The following SLC2A9 variants were observed in gnomAD, a reference collection of about 807,000 sequenced individuals.
The protein encoded by SLC2A9 is solute carrier family 2 member 9.
A neutral mutation model predicts 50.6 loss-of-function variants in SLC2A9; 39 were observed. That is an observed-to-expected ratio of 0.77 (90% CI 0.60 to 1.01). The LOEUF (loss-of-function observed/expected upper bound fraction) is 1.01, where lower values mean the gene tolerates loss of function less well. SLC2A9 is among the 50% of genes least tolerant of loss of function. The pLI is 0.00. For missense variants in SLC2A9, 686 were observed against 677.6 expected (o/e 1.01, Z -0.14); for synonymous variants, 324 against 276.9 (o/e 1.17, Z -1.69).
At chr4:9,780,530 C>A (rs549415863) in intron 3 of SLC2A9, among the ~76,000 whole-genome samples, 17 of 151,968 alleles carry the variant, frequency 1.1e-4, no homozygotes, top group African/African-American at 4.1e-4. Flanking sequence ...GGTACAGGTG[C>A]GTTTGGTGGA....
In SLC2A9 at chr4:9,996,819, C is replaced by T. The variant is rs1458543799; in HGVS notation, c.372G>A (p.Gly124=). The change falls in exon 3 of 12, where the codon GGG becomes GGA. Residue 124 remains glycine, a synonymous_variant. Transcript: ENST00000264784. ...VSIFAIGGLV[G]TLIVKMIGKV... is the part of the protein sequence containing the mutation. ...TTCCAATCATCTTCACAATTAACGTCCCCACAAGTCCACCGATGGCGAATA... is the reference window on the plus strand; with the variant it reads ...TTCCAATCATCTTCACAATTAACGTTCCCACAAGTCCACCGATGGCGAATA... 1.2e-6 allele frequency: 2 copies of T among 1,614,068 alleles called. No homozygotes were observed. The highest frequency in any genetic ancestry group is 1.7e-5 in the Admixed American group (1 of 60,028).
At chr4:10,019,422 A>T (rs1763222778) in intron 1 of SLC2A9, 1 of 380,884 alleles carries the variant, frequency 2.6e-6, no homozygotes, top group African/African-American at 2.0e-5. Context: ...GAAAAAAGCA[A>T]AGCCAGACTC....
intron 6 of SLC2A9, among the ~76,000 whole-genome samples, chr4:9,935,207 G>T (rs1399990055): frequency 2.0e-5 from 3 of 152,142 alleles, no homozygotes; most frequent in Admixed American, 1.3e-4. Context: ...CTTATTTCTG[G>T]TTCTAGATCC....
chr4:10,001,095 T>C (rs4591605), intron 2 of SLC2A9, among the ~76,000 whole-genome samples: 121,924 of 152,044 alleles, frequency 0.8, 49,026 homozygotes, highest in East Asian at 0.98. Context: ...TAAGGCCCAC[T>C]CTACTCCAAT....
intron 9 of SLC2A9, 44 bp downstream of exon 9, chr4:9,890,566 C>A (rs908722998): frequency 1.3e-6 from 2 of 1,582,122 alleles, no homozygotes; most frequent in East Asian, 2.2e-5. Flanking sequence ...CAGAAGTCAG[C>A]TCCATGCTTA....
chr4:9,918,367 TG>T (rs1743278763), intron 7 of SLC2A9, among the ~76,000 whole-genome samples: 1 of 152,152 alleles, frequency 6.6e-6, no homozygotes, highest in Non-Finnish European at 1.5e-5. Context: ...GACCACAGTG[TG>T]GCTGTGATGC....
intron 5 of SLC2A9, among the ~76,000 whole-genome samples, chr4:9,975,607 T>G (rs113737717): frequency 0.024 from 3,682 of 152,160 alleles, 138 homozygotes; most frequent in African/African-American, 0.083. Flanking sequence ...AAACAACAGA[T>G]GCTAATGAGG....
chr4:10,022,591 G>C (rs905292896), upstream of SLC2A9, among the ~76,000 whole-genome samples: 1 of 152,258 alleles, frequency 6.6e-6, no homozygotes, highest in African/African-American at 2.4e-5. Context: ...GCAGAGAGCA[G>C]TGCAGAGTCT....
chr4:9,985,793 C>T lies in SLC2A9; in HGVS notation c.411G>A (p.Arg137=). 1 of 1,613,994 alleles carries T rather than the reference C, an allele frequency of 6.2e-7. No homozygotes were observed. The highest frequency in any genetic ancestry group is 2.2e-5 in the East Asian group (1 of 44,886). ...IVKMIGKVLG[R]KHTLLANNGF... is the part of the protein sequence containing the mutation. ...CATTATTGGCCAGCAAAGTGTGCTT[C>T]CTGGAAAGAAAGGAAAGATTTGATG... is the stretch of plus-strand genomic sequence containing the variant. The change falls in exon 4 of 12, where the codon AGG becomes AGA. Residue 137 remains arginine, a splice_region_variant and synonymous_variant. Coordinates refer to ENST00000264784, the MANE Select transcript of SLC2A9 (RefSeq NM_020041.3).
intron 1 of SLC2A9, among the ~76,000 whole-genome samples, chr4:9,772,821 T>TA (rs1438547201): frequency 3.1e-3 from 193 of 62,042 alleles, no homozygotes; most frequent in African/African-American, 8.9e-3. Context: ...TTATTTTTTT[T>TA]TTTATTTTTT....
chr4:9,976,973 T>C (rs1469286465), intron 5 of SLC2A9, among the ~76,000 whole-genome samples: 6 of 152,208 alleles, frequency 3.9e-5, no homozygotes, highest in Non-Finnish European at 8.8e-5. Context: ...GAGTTATTTT[T>C]GACTCCTCCT....
At chr4:9,936,649 A>G (rs141955300) in intron 6 of SLC2A9, among the ~76,000 whole-genome samples, 591 of 152,312 alleles carry the variant, frequency 3.9e-3, no homozygotes, top group Middle Eastern at 0.014. Flanking sequence ...TTCCAGCTAC[A>G]GAAGGGGCGG....
chr4:9,950,409 C>T (rs908485087), intron 5 of SLC2A9, among the ~76,000 whole-genome samples: 4 of 152,166 alleles, frequency 2.6e-5, no homozygotes, highest in African/African-American at 4.8e-5. Context: ...TCAAGAAATG[C>T]TCCTTCCCCT....
At chr4:9,808,911 T>C (rs184386260) in intron 3 of SLC2A9, among the ~76,000 whole-genome samples, 2 of 152,354 alleles carry the variant, frequency 1.3e-5, no homozygotes, top group East Asian at 3.9e-4. Flanking sequence ...GACTCTGGCT[T>C]GGACTGTACC....
intron 3 of SLC2A9, among the ~76,000 whole-genome samples, chr4:9,800,688 A>G (rs539027571): frequency 6.6e-6 from 1 of 152,244 alleles, no homozygotes; most frequent in Non-Finnish European, 1.5e-5. Context: ...TAAAAATAAC[A>G]ATACATCAAT....
chr4:9,845,102 C>T (rs1239471814), intron 10 of SLC2A9, among the ~76,000 whole-genome samples: 12 of 151,938 alleles, frequency 7.9e-5, no homozygotes, highest in Non-Finnish European at 1.6e-4. Context: ...CAAGCTCCAC[C>T]TCCTGGGTTC....
chr4:10,000,300 T>A (rs955962198), intron 2 of SLC2A9, among the ~76,000 whole-genome samples: 4 of 152,162 alleles, frequency 2.6e-5, no homozygotes, highest in African/African-American at 9.7e-5. Flanking sequence ...GACACAGAGA[T>A]AAATGGAACA....
intron 1 of SLC2A9, among the ~76,000 whole-genome samples, chr4:9,774,562 G>A (rs1717284066): frequency 6.6e-6 from 1 of 152,062 alleles, no homozygotes; most frequent in African/African-American, 2.4e-5. Context: ...TTTATTCCTT[G>A]TGCTAGGCAG....
At chr4:9,884,009 T>G (rs1158211793) in intron 10 of SLC2A9, among the ~76,000 whole-genome samples, 2 of 152,176 alleles carry the variant, frequency 1.3e-5, no homozygotes, top group Non-Finnish European at 2.9e-5. Flanking sequence ...CTGGATGCAG[T>G]AGACCAGAGA....
Sources: allele counts gnomAD v4.1 joint callset (sites outside exome capture counted in the v4.1 genomes callset), GRCh38; gene constraint gnomAD v4.1.1; transcripts MANE v1.5; gene names NCBI Gene and HGNC (gene_info 2026-07-23, HGNC 2026-07-21).